SIM1: variants seen among roughly 807,000 people sequenced by gnomAD.
SIM1 encodes the protein single-minded homolog 1.
SIM1 carries 18 observed loss-of-function variants against 78.2 expected under a neutral mutation model. That is an observed-to-expected ratio of 0.23 (90% CI 0.16 to 0.34). The LOEUF is 0.34. SIM1 is among the 10% of genes least tolerant of loss of function. The probability of loss-of-function intolerance (pLI) is 1.00; values close to 1 mark genes in which losing one functional copy is unlikely to be tolerated. For synonymous variants in SIM1, 417 were observed against 385.2 expected (o/e 1.08, Z -0.97); for missense variants, 939 against 975.1 (o/e 0.96, Z 0.49).
intron 9 of SIM1, among the ~76,000 whole-genome samples, chr6:100,433,013 T>C (rs1209349362): frequency 6.6e-6 from 1 of 152,094 alleles, no homozygotes; most frequent in African/African-American, 2.4e-5. Flanking sequence ...TATCTGCAAA[T>C]CCCATTGGGC....
In SIM1 at chr6:100,463,393, A is replaced by G. The variant is rs1484244684; in HGVS notation, c.76T>C (p.Leu26=). 1.9e-6 allele frequency: 3 copies of G among 1,614,074 alleles called. No individual in the cohort carries two copies. Among genetic ancestry groups the G allele is most frequent in the Middle Eastern group, 1.6e-4 (1 of 6,062 alleles). Reference sequence around the variant, plus strand: ...GTGATAGCCGAGGGCAAAGGCAGTAATTTAGCCAGTTCATAAAATTCACTG... The same window carrying G: ...GTGATAGCCGAGGGCAAAGGCAGTAGTTTAGCCAGTTCATAAAATTCACTG... The part of the protein sequence containing the change: ...ENSEFYELAK[L]LPLPSAITSQ... The change falls in exon 2 of 12, where the codon TTA becomes CTA. Residue 26 remains leucine, a synonymous_variant. Transcript: ENST00000369208.
chr6:100,394,518 A>G (rs1418641101), intron 10 of SIM1, among the ~76,000 whole-genome samples: 30 of 152,028 alleles, frequency 2.0e-4, no homozygotes, highest in Non-Finnish European at 8.8e-5. Context: ...CAATCCTCCC[A>G]TCTCAGCCTC....
intron 9 of SIM1, among the ~76,000 whole-genome samples, chr6:100,445,848 G>A (rs1360311269): frequency 6.6e-6 from 1 of 152,120 alleles, no homozygotes; most frequent in Non-Finnish European, 1.5e-5. Context: ...CTGTTTCACG[G>A]AGGGGGCTAT....
chr6:100,419,796 C>G (rs1030064165), intron 10 of SIM1, among the ~76,000 whole-genome samples: 1 of 152,120 alleles, frequency 6.6e-6, no homozygotes, highest in Non-Finnish European at 1.5e-5. Flanking sequence ...CACACGCCAC[C>G]ACACCTGGCT....
At chr6:100,437,649 G>A (rs1199774708) in intron 9 of SIM1, among the ~76,000 whole-genome samples, 1 of 152,172 alleles carries the variant, frequency 6.6e-6, no homozygotes, top group Admixed American at 6.5e-5. Flanking sequence ...ATTTGGGAAA[G>A]GCAAGAGACT....
intron 10 of SIM1, 74 bp downstream of exon 10, chr6:100,420,716 T>C (rs1771554502): frequency 2.1e-6 from 3 of 1,410,182 alleles, no homozygotes; most frequent in Admixed American, 1.7e-5. Flanking sequence ...CCAAATAGTT[T>C]TAATACTTTC....
At chr6:100,395,446 T>C (rs910075056) in intron 10 of SIM1, among the ~76,000 whole-genome samples, 9 of 152,158 alleles carry the variant, frequency 5.9e-5, no homozygotes, top group Non-Finnish European at 1.3e-4. Context: ...GAAACCATGA[T>C]TTTACATTTC....
chr6:100,432,484 A>T (rs1468039491), intron 9 of SIM1, among the ~76,000 whole-genome samples: 1 of 152,112 alleles, frequency 6.6e-6, no homozygotes, highest in East Asian at 1.9e-4. Context: ...CACAGAGAAG[A>T]TAAGAAACCA....
intron 9 of SIM1, among the ~76,000 whole-genome samples, chr6:100,439,505 C>A (rs956961573): frequency 1.3e-5 from 2 of 152,132 alleles, no homozygotes; most frequent in African/African-American, 4.8e-5. Flanking sequence ...AAATTGTCAA[C>A]TGCTTGATAA....
chr6:100,415,935 A>G (rs968107828), intron 10 of SIM1, among the ~76,000 whole-genome samples: 1 of 152,144 alleles, frequency 6.6e-6, no homozygotes, highest in Non-Finnish European at 1.5e-5. Flanking sequence ...GGGGGCCTTA[A>G]TAAGCACATT....
chr6:100,441,991 G>A (rs1772231828), intron 9 of SIM1, among the ~76,000 whole-genome samples: 1 of 152,080 alleles, frequency 6.6e-6, no homozygotes, highest in African/African-American at 2.4e-5. Context: ...CAGTAGGAGT[G>A]ACACACCAGC....
intron 9 of SIM1, among the ~76,000 whole-genome samples, chr6:100,432,645 G>A (rs539441185): frequency 6.6e-5 from 10 of 152,064 alleles, no homozygotes; most frequent in Non-Finnish European, 4.4e-5. Flanking sequence ...TACTTCTGCA[G>A]ACCCCAAAAC....
intron 10 of SIM1, among the ~76,000 whole-genome samples, chr6:100,413,684 A>T (rs1771321920): frequency 6.6e-6 from 1 of 152,182 alleles, no homozygotes; most frequent in African/African-American, 2.4e-5. Flanking sequence ...TATACCTAAG[A>T]TACCCACTTA....
At chr6:100,402,296 A>T (rs538770564) in intron 10 of SIM1, among the ~76,000 whole-genome samples, 2 of 143,382 alleles carry the variant, frequency 1.4e-5, no homozygotes, top group South Asian at 2.3e-4. Context: ...TTAAAGGATT[A>T]AAAAAAATCA....
Position 100,458,006 on chromosome 6 carries a change from TTCTCTCTCTCTCTCTCTCTCTCTCTC to T in SIM1, c.176-4188_176-4163del, listed in dbSNP as rs71028024. On this transcript the variant is annotated intron_variant, in intron 2 of 11. Transcript: ENST00000369208. ...GTCACACCGCTGTCTGTCTCTCTCT[TTCTCTCTCTCTCTCTCTCTCTCTCTC>T]TCTCTCTCTCTCTCTCTCTCTCTCT... 7.7e-3 allele frequency among the ~76,000 whole-genome samples: 696 copies of T among 90,288 alleles called. 9 individuals carry two copies. Among genetic ancestry groups the T allele is most frequent in the African/African-American group, 0.027 (646 of 24,066 alleles). 59.2% of individuals were successfully genotyped at this position (90,288 alleles called of 152,430 possible).
At chr6:100,451,189 G>A (rs774030264) in intron 3 of SIM1, among the ~76,000 whole-genome samples, 1 of 152,188 alleles carries the variant, frequency 6.6e-6, no homozygotes, top group Non-Finnish European at 1.5e-5. Flanking sequence ...GAATAGGCAG[G>A]GGGCCCAGAG....
At position 100,390,391 on chromosome 6, in the gene SIM1, T is replaced by C; in HGVS notation, c.2271A>G (p.Gly757=). The C allele has an allele frequency of 6.2e-7, 1 of 1,614,014 alleles. No individual in the cohort carries two copies. The highest frequency in any genetic ancestry group is 2.2e-5 in the East Asian group (1 of 44,886). Residue 757 remains glycine, a synonymous_variant, in exon 12 of 12, where the codon GGA becomes GGG. Coordinates refer to ENST00000369208, the MANE Select transcript of SIM1 (RefSeq NM_005068.3). The stretch of plus-strand genomic sequence containing the variant: ...TTCCGTTGGTTATTATAACAGATGT[T>C]CCCTTGTGTCCTTGTGCTGGGTCTG... The part of the protein sequence containing the change: ...MQPDPAQGHK[G]TSVIITNGS
intron 4 of SIM1, among the ~76,000 whole-genome samples, chr6:100,449,969 C>T (rs986317480): frequency 1.7e-4 from 26 of 152,090 alleles, no homozygotes; most frequent in African/African-American, 6.0e-4. Flanking sequence ...AGCAGCAGTT[C>T]CCTGGCAAAG....
In SIM1 at chr6:100,387,677, A is replaced by T. The variant is rs1047133301; in HGVS notation, c.*2684T>A. 1 of 152,138 alleles carries T rather than the reference A, an allele frequency of 6.6e-6. No individual in the cohort carries two copies. The highest frequency in any genetic ancestry group is 2.4e-5 in the African/African-American group (1 of 41,450). 9.4% of individuals were successfully genotyped at this position (152,138 alleles called of 1,614,324 possible). ...GTCAATCTACCAAAATTTTGAATCA[A>T]TATATAATTTAGTTAATTCTGTATT... is the stretch of plus-strand genomic sequence containing the variant. On this transcript the variant is annotated 3_prime_UTR_variant, in exon 12 of 12. Transcript: ENST00000369208.
Sources: gnomAD v4.1 joint callset for allele counts (sites outside exome capture counted in the v4.1 genomes callset) on GRCh38, gnomAD v4.1.1 for gene constraint, MANE v1.5 for transcripts, NCBI Gene and HGNC (gene_info 2026-07-23, HGNC 2026-07-21) for gene names.